PDE12: variants seen among roughly 807,000 people sequenced by gnomAD.
The protein encoded by PDE12 is 2',5'-phosphodiesterase 12.
A neutral mutation model predicts 45.4 loss-of-function variants in PDE12; 26 were observed. That is an observed-to-expected ratio of 0.57 (90% CI 0.42 to 0.79). The LOEUF is 0.79. Ranked by LOEUF, PDE12 falls within the 30% of genes least tolerant of loss-of-function variation. The pLI is 0.00. For missense variants in PDE12, 668 were observed against 790.0 expected, an observed-to-expected ratio of 0.85 and a Z score of 1.85; for synonymous variants, 283 against 323.9, an observed-to-expected ratio of 0.87 and a Z score of 1.36.
the PDE12 span, among the ~76,000 whole-genome samples, chr3:57,629,504 C>G: frequency 2.0e-5 from 3 of 146,446 alleles, no homozygotes; most frequent in African/African-American, 7.5e-5. Flanking sequence ...AAAAATCAGT[C>G]CGCTTTTTTT....
the PDE12 span, among the ~76,000 whole-genome samples, chr3:57,613,277 C>A: frequency 1.4e-5 from 2 of 145,940 alleles, no homozygotes; most frequent in African/African-American, 5.1e-5. Flanking sequence ...CACTGCCTGG[C>A]CATAAAAAAA....
At chr3:57,559,258 C>G (rs567232092) in intron 1 of PDE12, 52 bp from the exon 2 acceptor site, 1 of 1,385,636 alleles carries the variant, frequency 7.2e-7, no homozygotes, top group Non-Finnish European at 1.0e-6. Context: ...CAAAAACATT[C>G]AGGAGATTTG....
At chr3:57,609,742 A>G in the PDE12 span, among the ~76,000 whole-genome samples, 162 of 152,304 alleles carry the variant, frequency 1.1e-3, no homozygotes, top group Non-Finnish European at 1.8e-3. Context: ...GCAATAATTA[A>G]TAGCCTACCA....
At chr3:57,617,229 A>G in the PDE12 span, among the ~76,000 whole-genome samples, 75 of 152,044 alleles carry the variant, frequency 4.9e-4, no homozygotes, top group African/African-American at 1.7e-3. Flanking sequence ...ACACAGTGAG[A>G]CCTCATCTCT....
At chr3:57,605,766 A>G in the PDE12 span, among the ~76,000 whole-genome samples, 1 of 152,186 alleles carries the variant, frequency 6.6e-6, no homozygotes, top group African/African-American at 2.4e-5. Context: ...CACAGAACTG[A>G]CAGAGATGTT....
chr3:57,634,865 GTA>G, the PDE12 span: 1 of 1,004,666 alleles, frequency 1.0e-6, no homozygotes, highest in Non-Finnish European at 1.4e-6. Flanking sequence ...TATTACTTAA[GTA>G]TGTTATAATG....
At chr3:57,591,583 C>T in the PDE12 span, among the ~76,000 whole-genome samples, 4 of 151,744 alleles carry the variant, frequency 2.6e-5, no homozygotes, top group Admixed American at 6.6e-5. Context: ...TCTCGTGCCT[C>T]GGCCTCCTGA....
chr3:57,645,070 A>G, the PDE12 span, among the ~76,000 whole-genome samples: 1 of 152,136 alleles, frequency 6.6e-6, no homozygotes, highest in Middle Eastern at 3.4e-3. Context: ...GGGTAAGATT[A>G]TTTTTTCTTT....
the PDE12 span, among the ~76,000 whole-genome samples, chr3:57,644,818 G>T: frequency 1.2e-5 from 1 of 82,552 alleles, no homozygotes; most frequent in African/African-American, 4.9e-5. Flanking sequence ...GGGGAGGGGA[G>T]GGGGAAAGAC....
chr3:57,635,262 T>C, the PDE12 span, among the ~76,000 whole-genome samples: 1 of 152,124 alleles, frequency 6.6e-6, no homozygotes, highest in African/African-American at 2.4e-5. Context: ...TTTTCCATTA[T>C]AGAAACTTAC....
At chr3:57,627,955 G>A in the PDE12 span, 1 of 327,212 alleles carries the variant, frequency 3.1e-6, no homozygotes, top group East Asian at 5.8e-5. Flanking sequence ...TCTCATAAGA[G>A]CACTTTAGAA....
chr3:57,604,514 C>G, the PDE12 span, among the ~76,000 whole-genome samples: 1 of 151,534 alleles, frequency 6.6e-6, no homozygotes, highest in Admixed American at 6.6e-5. Context: ...GTAGTCCCAG[C>G]TACTTAGGAG....
the PDE12 span, among the ~76,000 whole-genome samples, chr3:57,585,727 A>G: frequency 7.6e-4 from 114 of 149,712 alleles, no homozygotes; most frequent in East Asian, 2.6e-3. Flanking sequence ...CAATGGTGCA[A>G]TATCAGCTCA....
At chr3:57,636,932 GTC>G in the PDE12 span, among the ~76,000 whole-genome samples, 1 of 117,788 alleles carries the variant, frequency 8.5e-6, no homozygotes. Context: ...GCGAGACTCT[GTC>G]TCAAAAAAAA....
chr3:57,648,422 T>C, the PDE12 span, among the ~76,000 whole-genome samples: 2 of 152,180 alleles, frequency 1.3e-5, no homozygotes, highest in Non-Finnish European at 2.9e-5. Flanking sequence ...ATGACCATAC[T>C]GCCAAAAGCA....
At chr3:57,630,186 T>C in the PDE12 span, among the ~76,000 whole-genome samples, 2 of 152,252 alleles carry the variant, frequency 1.3e-5, no homozygotes, top group East Asian at 3.9e-4. Context: ...AAGCCAAAAG[T>C]TTCCCATGAT....
chr3:57,625,264 C>G, the PDE12 span, among the ~76,000 whole-genome samples: 2 of 152,132 alleles, frequency 1.3e-5, no homozygotes, highest in Admixed American at 6.5e-5. Flanking sequence ...TATGAAGTCA[C>G]TTAACTGATC....
chr3:57,576,549 T>C, the PDE12 span, among the ~76,000 whole-genome samples: 1 of 150,388 alleles, frequency 6.6e-6, no homozygotes, highest in Non-Finnish European at 1.5e-5. Context: ...CTGGTGACAT[T>C]TGACTCAGGC....
chr3:57,652,290 A>T, the PDE12 span, among the ~76,000 whole-genome samples: 1 of 152,208 alleles, frequency 6.6e-6, no homozygotes, highest in Non-Finnish European at 1.5e-5. Context: ...TTGTGAGAAC[A>T]TTAGGCAGCC....
Sources: gnomAD v4.1 joint callset for allele counts (sites outside exome capture counted in the v4.1 genomes callset) on GRCh38, gnomAD v4.1.1 for gene constraint, MANE v1.5 for transcripts, NCBI Gene and HGNC (gene_info 2026-07-23, HGNC 2026-07-21) for gene names.